Variants in CNTNAP5 observed in about 807,000 individuals in gnomAD.
The protein encoded by CNTNAP5 is contactin-associated protein-like 5.
In CNTNAP5, 72 loss-of-function variants were observed where a neutral mutation model predicts 150.2. The ratio of observed to expected loss-of-function variants is 0.48; its 90% CI spans 0.40 to 0.58. The LOEUF is 0.58. Among genes scored for constraint, CNTNAP5 ranks in the 20% least tolerant of loss-of-function variants. The pLI, the probability that CNTNAP5 is intolerant of heterozygous loss-of-function variation, is 0.00. For missense variants in CNTNAP5, 1,636 were observed against 1,626.2 expected (o/e 1.01, Z -0.10); for synonymous variants, 672 against 619.8 (o/e 1.08, Z -1.25).
chr2:124,109,543 G>A (rs1354383206), intron 1 of CNTNAP5, among the ~76,000 whole-genome samples: 1 of 152,200 alleles, frequency 6.6e-6, no homozygotes, highest in African/African-American at 2.4e-5. Flanking sequence ...AAAAGTTGTG[G>A]TCCTTCAGGG....
intron 18 of CNTNAP5, among the ~76,000 whole-genome samples, chr2:124,791,163 C>T (rs1276152391): frequency 6.6e-6 from 1 of 152,148 alleles, no homozygotes; most frequent in Non-Finnish European, 1.5e-5. Flanking sequence ...GTCCAGCTTG[C>T]TACTGTTGGA....
intron 3 of CNTNAP5, among the ~76,000 whole-genome samples, chr2:124,321,209 A>C (rs191397595): frequency 8.9e-4 from 136 of 152,272 alleles, no homozygotes; most frequent in African/African-American, 3.1e-3. Flanking sequence ...TGAGAGGCCG[A>C]GGCAGGCGGA....
intron 18 of CNTNAP5, among the ~76,000 whole-genome samples, chr2:124,797,883 G>T (rs1681880531): frequency 6.6e-6 from 1 of 152,142 alleles, no homozygotes; most frequent in South Asian, 2.1e-4. Flanking sequence ...CCTGTTCAAG[G>T]TTTGTAACCT....
intron 3 of CNTNAP5, among the ~76,000 whole-genome samples, chr2:124,260,516 T>G (rs1212138410): frequency 6.6e-6 from 1 of 152,066 alleles, no homozygotes; most frequent in Non-Finnish European, 1.5e-5. Flanking sequence ...AATTGACAAA[T>G]GGGATCTAAT....
chr2:124,321,650 A>G (rs1375816041), intron 3 of CNTNAP5, among the ~76,000 whole-genome samples: 1 of 152,292 alleles, frequency 6.6e-6, no homozygotes. Flanking sequence ...GACATCTTGC[A>G]GTGGTGGTCT....
chr2:124,045,227 T>C (rs17010759), intron 1 of CNTNAP5, among the ~76,000 whole-genome samples: 7,121 of 151,952 alleles, frequency 0.047, 238 homozygotes, highest in East Asian at 0.13. Flanking sequence ...TCTAGGTAAG[T>C]CTTCCACATT....
At chr2:124,610,822 G>A (rs749455029) in intron 12 of CNTNAP5, among the ~76,000 whole-genome samples, 3 of 152,048 alleles carry the variant, frequency 2.0e-5, no homozygotes, top group Non-Finnish European at 4.4e-5. Context: ...AGCTGGGTGC[G>A]GTGGCATGTG....
intron 19 of CNTNAP5, among the ~76,000 whole-genome samples, chr2:124,809,421 TATTA>T (rs1220372403): frequency 2.7e-5 from 3 of 109,486 alleles, no homozygotes; most frequent in Non-Finnish European, 3.9e-5. Flanking sequence ...TTTATTTATT[TATTA>T]AGAAACGGAG....
At chr2:124,547,775 C>A (rs1016613968) in intron 10 of CNTNAP5, among the ~76,000 whole-genome samples, 1 of 152,112 alleles carries the variant, frequency 6.6e-6, no homozygotes, top group South Asian at 2.1e-4. Flanking sequence ...AGCAATTGGC[C>A]GCCACAATTC....
chr2:124,490,073 C>A (rs2104848546), intron 7 of CNTNAP5, among the ~76,000 whole-genome samples: 1 of 152,224 alleles, frequency 6.6e-6, no homozygotes, highest in East Asian at 1.9e-4. Context: ...AATTATTACA[C>A]CTGTAATCCC....
chr2:124,183,237 G>A (rs1573817803), intron 1 of CNTNAP5, among the ~76,000 whole-genome samples: 1 of 152,126 alleles, frequency 6.6e-6, no homozygotes, highest in Non-Finnish European at 1.5e-5. Flanking sequence ...TTTAATGGAT[G>A]AATGAAATGT....
intron 3 of CNTNAP5, among the ~76,000 whole-genome samples, chr2:124,303,659 C>T (rs1688616931): frequency 6.6e-6 from 1 of 152,144 alleles, no homozygotes; most frequent in African/African-American, 2.4e-5. Context: ...TTTAAAAGAG[C>T]AACTTATTTG....
At chr2:124,731,362 T>G (rs1366191090) in intron 13 of CNTNAP5, among the ~76,000 whole-genome samples, 1 of 152,070 alleles carries the variant, frequency 6.6e-6, no homozygotes, top group Non-Finnish European at 1.5e-5. Context: ...CTTTTTTTTT[T>G]CTTTTACCGT....
intron 4 of CNTNAP5, among the ~76,000 whole-genome samples, chr2:124,422,537 A>G (rs1362320035): frequency 6.6e-6 from 1 of 152,208 alleles, no homozygotes; most frequent in Non-Finnish European, 1.5e-5. Context: ...CTGACTCGAC[A>G]AGATAGTTTT....
intron 3 of CNTNAP5, among the ~76,000 whole-genome samples, chr2:124,411,539 T>G (rs1291761939): frequency 6.8e-6 from 1 of 146,636 alleles, no homozygotes; most frequent in Admixed American, 6.8e-5. Context: ...CATGATCAAG[T>G]GGGCTTCATC....
At chr2:124,543,992 A>C (rs1389210346) in intron 10 of CNTNAP5, among the ~76,000 whole-genome samples, 1 of 152,000 alleles carries the variant, frequency 6.6e-6, no homozygotes, top group Non-Finnish European at 1.5e-5. Flanking sequence ...ATCCATAGAG[A>C]ACTATAATAA....
chr2:124,748,756 C>G (rs1412158776), intron 14 of CNTNAP5, among the ~76,000 whole-genome samples: 2 of 152,164 alleles, frequency 1.3e-5, no homozygotes, highest in African/African-American at 2.4e-5. Context: ...ATTATCACTT[C>G]AGAACACCCT....
chr2:124,689,897 T>C (rs970920996), intron 13 of CNTNAP5, among the ~76,000 whole-genome samples: 4 of 152,088 alleles, frequency 2.6e-5, no homozygotes, highest in Admixed American at 2.0e-4. Flanking sequence ...AATGAGTCTT[T>C]ATACTTTTGT....
rs1200320808 is a variant in CNTNAP5, at chr2:124,560,406, C to G, written c.1650-2811C>G. Among the ~76,000 whole-genome samples, 3 of 151,178 alleles carry G rather than the reference C, an allele frequency of 2.0e-5. No individual in the cohort carries two copies. In the Admixed American group the frequency reaches 2.0e-4, roughly 10 times the overall value. Reference sequence around the variant, plus strand: ...TGGTGGCAGGCTCCTGTAATCCCAGCTACTCGGGAGGCTGAGGCAGGAGAA... The same window carrying G: ...TGGTGGCAGGCTCCTGTAATCCCAGGTACTCGGGAGGCTGAGGCAGGAGAA... On this transcript the variant is annotated intron_variant, in intron 10 of 23. Coordinates refer to ENST00000682447, the MANE Select transcript of CNTNAP5 (RefSeq NM_001367498.1).
Sources: gnomAD v4.1 joint callset for allele counts (sites outside exome capture counted in the v4.1 genomes callset) on GRCh38, gnomAD v4.1.1 for gene constraint, MANE v1.5 for transcripts, NCBI Gene and HGNC (gene_info 2026-07-23, HGNC 2026-07-21) for gene names.